Variants in SHANK1 observed in about 807,000 individuals in gnomAD.
The protein encoded by SHANK1 is SH3 and multiple ankyrin repeat domains protein 1.
In SHANK1, 35 loss-of-function variants were observed where a neutral mutation model predicts 165.6. The ratio of observed to expected loss-of-function variants is 0.21; its 90% CI spans 0.16 to 0.28. The LOEUF (loss-of-function observed/expected upper bound fraction) is 0.28, where lower values mean the gene tolerates loss of function less well. Among genes scored for constraint, SHANK1 ranks in the 10% least tolerant of loss-of-function variants. The probability of loss-of-function intolerance (pLI) is 1.00; values close to 1 mark genes in which losing one functional copy is unlikely to be tolerated. For synonymous variants in SHANK1, 1,428 were observed against 1,384.8 expected (o/e 1.03, Z -0.69); for missense variants, 2,681 against 3,036.4 (o/e 0.88, Z 2.75).
intron 15 of SHANK1, among the ~76,000 whole-genome samples, chr19:50,693,464 C>T (rs1477407261): frequency 6.6e-6 from 1 of 151,740 alleles, no homozygotes; most frequent in Non-Finnish European, 1.5e-5. Flanking sequence ...CCACACAATG[C>T]TTTTCCCCAG....
At position 50,697,535 on chromosome 19, in the gene SHANK1, T is replaced by C. The variant is rs1358347226; in HGVS notation, c.1937+54A>G. ...TGATGGAAATATTTAAAGGTGTACA[T>C]TGTGAAGGGAACTTGGGGTGAGGGG... On this transcript the variant is annotated intron_variant, in intron 14 of 23. Transcript: ENST00000293441. This position sits in a 1 kb window ranked among gnomAD's most constrained non-coding sequence, Gnocchi z 4.7. 3.1e-6 allele frequency: 4 copies of C among 1,273,518 alleles called. No individual in the cohort carries two copies. Among genetic ancestry groups the C allele is most frequent in the African/African-American group, 2.9e-5 (2 of 68,164 alleles). 78.9% of individuals were successfully genotyped at this position (1,273,518 alleles called of 1,614,324 possible).
intron 21 of SHANK1, among the ~76,000 whole-genome samples, chr19:50,673,892 C>G (rs1985890561): frequency 6.6e-6 from 1 of 151,760 alleles, no homozygotes. Context: ...CTCCCGGGCC[C>G]AAGCGATCCC....
rs556259688 is a variant in SHANK1 at position 50,659,571 on chromosome 19, C to T, written c.*2394G>A. On this transcript the variant is annotated 3_prime_UTR_variant, in exon 24 of 24. Coordinates refer to ENST00000293441, the MANE Select transcript of SHANK1 (RefSeq NM_016148.5). ...CCCCCTCCTCTTCCCCTCCCACCCC[C>T]CCTTGGAAGACAATTCTCGGGCTTT... Among the ~76,000 whole-genome samples, 1 of 149,566 alleles carries T rather than the reference C, an allele frequency of 6.7e-6. No homozygotes were observed. The highest frequency in any genetic ancestry group is 1.5e-5 in the Non-Finnish European group (1 of 67,308).
rs1248875492 is a variant in SHANK1, at chr19:50,661,664, T to G, written c.*301A>C. Among the ~76,000 whole-genome samples the G allele has an allele frequency of 1.3e-5, 2 of 151,044 alleles. No homozygotes were observed. The highest frequency in any genetic ancestry group is 4.2e-4 in the South Asian group (2 of 4,750). ...ACCCTCTATGGCTCTGTCTATCCCCTCCCCCCAGAATAGGCCCTTCCCTCC... is the reference window on the plus strand; with the variant it reads ...ACCCTCTATGGCTCTGTCTATCCCCGCCCCCCAGAATAGGCCCTTCCCTCC... On this transcript the variant is annotated 3_prime_UTR_variant, in exon 24 of 24. Coordinates refer to ENST00000293441, the MANE Select transcript of SHANK1 (RefSeq NM_016148.5).
At chr19:50,680,387 G>A (rs74987191) in intron 21 of SHANK1, among the ~76,000 whole-genome samples, 1,728 of 152,220 alleles carry the variant, frequency 0.011, 35 homozygotes, top group African/African-American at 0.038. Flanking sequence ...GAGCAATGAC[G>A]TCTCAGACTG....
chr19:50,665,754 C>CAAAAAAAAAAAAAAAAAA (rs1985468549), intron 23 of SHANK1, among the ~76,000 whole-genome samples: 1 of 40,102 alleles, frequency 2.5e-5, no homozygotes. Flanking sequence ...AAAAAAAAAG[C>CAAAAAAAAAAAAAAAAAA]CAGGCATGTT....
At chr19:50,712,214 C>T (rs571565901) in intron 6 of SHANK1, 100 bp from the exon 7 acceptor site, 20 of 1,226,588 alleles carry the variant, frequency 1.6e-5, no homozygotes, top group Admixed American at 1.5e-4. Context: ...TCCTGGGTGA[C>T]CTACAGTGGC....
At position 50,660,305 on chromosome 19, in the gene SHANK1, A is replaced by G. The variant is rs1985152836; in HGVS notation, c.*1660T>C. Among the ~76,000 whole-genome samples, 1 of 151,948 alleles carries G rather than the reference A, an allele frequency of 6.6e-6. No homozygotes were observed. Among genetic ancestry groups the G allele is most frequent in the Admixed American group, 6.6e-5 (1 of 15,250 alleles). ...GGAGTGGACAGGTTAGGAGAGGGCAATCTTCGTGCAAAAGGGATGGACAGA... is the reference window on the plus strand; with the variant it reads ...GGAGTGGACAGGTTAGGAGAGGGCAGTCTTCGTGCAAAAGGGATGGACAGA... On this transcript the variant is annotated 3_prime_UTR_variant, in exon 24 of 24. Coordinates refer to ENST00000293441, the MANE Select transcript of SHANK1 (RefSeq NM_016148.5).
Position 50,702,734 on chromosome 19 carries a change from G to T in SHANK1, c.1554-74C>A. 2.0e-6 allele frequency: 2 copies of T among 979,190 alleles called. No individual in the cohort carries two copies. Among genetic ancestry groups the T allele is most frequent in the Non-Finnish European group, 3.0e-6 (2 of 677,172 alleles). The allele number at this position is 979,190 out of a possible 1,614,324, so 60.7% of individuals were successfully genotyped here. Reference sequence around the variant, plus strand: ...ACCTCTGGGAGGACAGGGGTCCTTGGGTGGGGGAAGAGGACGGTGCATCAG... The same window carrying T: ...ACCTCTGGGAGGACAGGGGTCCTTGTGTGGGGGAAGAGGACGGTGCATCAG... On this transcript the variant is annotated intron_variant, in intron 11 of 23. Coordinates refer to ENST00000293441, the MANE Select transcript of SHANK1 (RefSeq NM_016148.5). The surrounding 1 kb of genome is among the most constrained non-coding windows in gnomAD (Gnocchi z 5.3).
At position 50,716,702 on chromosome 19, in the gene SHANK1, A is replaced by G. The variant is rs749101925; in HGVS notation, c.218T>C (p.Met73Thr). 2 of 1,595,652 alleles carry G rather than the reference A, an allele frequency of 1.3e-6. No homozygotes were observed. Among genetic ancestry groups the G allele is most frequent in the South Asian group, 1.1e-5 (1 of 88,540 alleles). ...SVPDDAHFSM[M>T]VFRIGIPDLH... ...GTCCGGGATGCCAATCCTGAAGACC[A>G]TCATGCTGAAGTGGGCGTCGTCTGG... Residue 73 changes from methionine (M) to threonine (T), a missense_variant, in exon 2 of 24, where the codon ATG (methionine) becomes ACG (threonine). Met to Thr is a moderately conservative substitution (Grantham distance 81). Coordinates refer to ENST00000293441, the MANE Select transcript of SHANK1 (RefSeq NM_016148.5). The surrounding 1 kb of genome is among the most constrained non-coding windows in gnomAD (Gnocchi z 8.4).
chr19:50,708,716 G>A (rs1160773669), intron 8 of SHANK1, among the ~76,000 whole-genome samples: 2 of 152,052 alleles, frequency 1.3e-5, no homozygotes, highest in Non-Finnish European at 2.9e-5. Context: ...TGAATGCTCT[G>A]AGCCAGGCAC....
chr19:50,662,114 C>T lies in SHANK1; in HGVS notation c.6337G>A (p.Ala2113Thr), dbSNP rs1434093930. Residue 2113 changes from alanine (A) to threonine (T), a missense_variant, in exon 24 of 24, where the codon GCG (alanine) becomes ACG (threonine). Transcript: ENST00000293441. The surrounding 1 kb of genome is among the most constrained non-coding windows in gnomAD (Gnocchi z 7.7). The stretch of plus-strand genomic sequence containing the variant: ...TCCAGGAACTGGGCTCGGTGCTCCG[C>T]CAAACCCAGCCACTCCAGCCAATCA... Reference protein sequence around the residue: ...VADWLEWLGLAEHRAQFLDHE... With the variant: ...VADWLEWLGLTEHRAQFLDHE... 7.4e-6 allele frequency: 12 copies of T among 1,613,942 alleles called. No homozygotes were observed. The East Asian group carries it at 2.7e-4, about 36-fold the overall frequency.
chr19:50,696,982 A>G, intron 15 of SHANK1, 114 bp downstream of exon 15: 1 of 856,526 alleles, frequency 1.2e-6, no homozygotes, highest in Non-Finnish European at 2.0e-6. Context: ...ACAGAGACAC[A>G]CGTTCACACA....
At chr19:50,665,750 A>AAAAG (rs1985467798) in intron 23 of SHANK1, among the ~76,000 whole-genome samples, 2 of 148,684 alleles carry the variant, frequency 1.3e-5, no homozygotes, top group African/African-American at 2.5e-5. Flanking sequence ...AAAAAAAAAA[A>AAAAG]AAGCCAGGCA....
chr19:50,682,047 T>G (rs1429386797), intron 21 of SHANK1, among the ~76,000 whole-genome samples: 1 of 145,380 alleles, frequency 6.9e-6, no homozygotes, highest in Non-Finnish European at 1.5e-5. Context: ...CCTGGCCTAT[T>G]TTCTTTTCCT....
chr19:50,686,983 C>A lies in SHANK1; in HGVS notation c.2390-171G>T. 1 of 1,413,140 alleles carries A rather than the reference C, an allele frequency of 7.1e-7. No homozygotes were observed. Among genetic ancestry groups the A allele is most frequent in the Non-Finnish European group, 9.2e-7 (1 of 1,082,622 alleles). 87.5% of individuals were successfully genotyped at this position (1,413,140 alleles called of 1,614,324 possible). On this transcript the variant is annotated intron_variant, in intron 19 of 23. Coordinates refer to ENST00000293441, the MANE Select transcript of SHANK1 (RefSeq NM_016148.5). The surrounding 1 kb of genome is among the most constrained non-coding windows in gnomAD (Gnocchi z 5.7). Reference sequence around the variant, plus strand: ...CGAGTCCGCCGGCGGGGTCGGGAGACGGGGGCCCTCCCGCCAGTCCTGTGC... The same window carrying A: ...CGAGTCCGCCGGCGGGGTCGGGAGAAGGGGGCCCTCCCGCCAGTCCTGTGC...
intron 19 of SHANK1, chr19:50,687,021 C>A: frequency 1.3e-6 from 2 of 1,486,408 alleles, no homozygotes; most frequent in Non-Finnish European, 1.8e-6. Flanking sequence ...ACTCACCACT[C>A]TTCTTCTTCC....
intron 9 of SHANK1, 42 bp from the exon 10 acceptor site, chr19:50,704,228 G>A (rs768380820): frequency 1.9e-6 from 3 of 1,593,382 alleles, no homozygotes; most frequent in Non-Finnish European, 2.6e-6. Flanking sequence ...GGGGGGCCCA[G>A]GCAGCAGAGA....
Position 50,666,239 on chromosome 19 carries a change from C to T in SHANK1, c.5721G>A (p.Gly1907=), listed in dbSNP as rs774314308. ...GSGGGGDSHH[G]GASYVPERTS... ...TCCTCTCGGGGACATAGCTGGCTCC[C>T]CCGTGGTGGCTGTCTCCGCCTCCCC... is the stretch of plus-strand genomic sequence containing the variant. The change falls in exon 23 of 24, where the codon GGG becomes GGA. Residue 1907 remains glycine, a synonymous_variant. Coordinates refer to ENST00000293441, the MANE Select transcript of SHANK1 (RefSeq NM_016148.5). The T allele has an allele frequency of 3.7e-6, 6 of 1,609,266 alleles. No homozygotes were observed. Among genetic ancestry groups the T allele is most frequent in the Non-Finnish European group, 4.2e-6 (5 of 1,178,494 alleles).
Sources: allele counts gnomAD v4.1 joint callset (sites outside exome capture counted in the v4.1 genomes callset), GRCh38; gene constraint gnomAD v4.1.1; non-coding constraint Gnocchi (gnomAD v3.1); transcripts MANE v1.5; gene names NCBI Gene and HGNC (gene_info 2026-07-23, HGNC 2026-07-21).